Variants in ITGBL1 observed in about 807,000 individuals in gnomAD.
ITGBL1 encodes the protein integrin subunit beta like 1.
In ITGBL1, 51 loss-of-function variants were observed where a neutral mutation model predicts 68.5. The ratio of observed to expected loss-of-function variants is 0.74; its 90% confidence interval spans 0.59 to 0.94. ITGBL1 has a LOEUF of 0.94. ITGBL1 is among the 40% of genes least tolerant of loss of function. The pLI, the probability that ITGBL1 is intolerant of heterozygous loss-of-function variation, is 0.00. For synonymous variants in ITGBL1, 209 were observed against 227.3 expected (o/e 0.92, Z 0.72); for missense variants, 649 against 647.4 (o/e 1.00, Z -0.03).
At chr13:101,620,976 C>T (rs1448446422) in intron 7 of ITGBL1, among the ~76,000 whole-genome samples, 1 of 152,082 alleles carries the variant, frequency 6.6e-6, no homozygotes, top group African/African-American at 2.4e-5. Flanking sequence ...TGACCTTCCA[C>T]CTTTCCTCTC....
intron 2 of ITGBL1, among the ~76,000 whole-genome samples, chr13:101,539,520 A>G (rs1032513426): frequency 1.3e-5 from 2 of 152,070 alleles, no homozygotes; most frequent in South Asian, 2.1e-4. Flanking sequence ...ATAGGTGTGC[A>G]TGTGTCTTTA....
chr13:101,604,548 A>T (rs2030576436), intron 7 of ITGBL1, among the ~76,000 whole-genome samples: 2 of 151,526 alleles, frequency 1.3e-5, no homozygotes, highest in Admixed American at 6.6e-5. Context: ...GAAAACCAAG[A>T]ATTTATGACA....
intron 4 of ITGBL1, among the ~76,000 whole-genome samples, chr13:101,576,992 GCCAGTGT>G (rs1566739368): frequency 1.3e-5 from 2 of 151,622 alleles, no homozygotes; most frequent in East Asian, 3.9e-4. Context: ...ATGCTTTGGG[GCCAGTGT>G]GTGTTGATAA....
At chr13:101,584,667 CT>C (rs1171855794) in intron 6 of ITGBL1, among the ~76,000 whole-genome samples, 1 of 152,162 alleles carries the variant, frequency 6.6e-6, no homozygotes, top group Non-Finnish European at 1.5e-5. Context: ...TTTGTGAACA[CT>C]ATTCTCTTGA....
intron 2 of ITGBL1, among the ~76,000 whole-genome samples, chr13:101,486,452 T>C (rs1466327579): frequency 6.6e-6 from 1 of 152,034 alleles, no homozygotes; most frequent in Non-Finnish European, 1.5e-5. Flanking sequence ...GAACTTCACC[T>C]GTTTCCCAAA....
chr13:101,606,172 T>TATATATATATATATA (rs1566754927), intron 7 of ITGBL1, among the ~76,000 whole-genome samples: 10 of 60,104 alleles, frequency 1.7e-4, no homozygotes, highest in African/African-American at 8.7e-4. Context: ...CTATTAGGAT[T>TATATATATATATATA]TTTATATATA....
chr13:101,475,897 G>C (rs1485059906), intron 2 of ITGBL1, among the ~76,000 whole-genome samples: 29 of 152,046 alleles, frequency 1.9e-4, no homozygotes, highest in Admixed American at 1.9e-3. Context: ...AACTTTCCCA[G>C]ATAAACAAAA....
At chr13:101,545,710 ATCT>A (rs1207497629) in intron 2 of ITGBL1, among the ~76,000 whole-genome samples, 2 of 152,308 alleles carry the variant, frequency 1.3e-5, no homozygotes, top group Admixed American at 1.3e-4. Context: ...AAAAAAAGTC[ATCT>A]TCTTCAGGGA....
At chr13:101,602,297 G>A (rs1388546466) in intron 7 of ITGBL1, among the ~76,000 whole-genome samples, 1 of 152,022 alleles carries the variant, frequency 6.6e-6, no homozygotes. Context: ...AAGGCATGTA[G>A]CCTCAGGTGT....
chr13:101,523,262 C>T (rs1234185254), intron 2 of ITGBL1, among the ~76,000 whole-genome samples: 1 of 152,140 alleles, frequency 6.6e-6, no homozygotes, highest in Non-Finnish European at 1.5e-5. Flanking sequence ...ATTACCTGTT[C>T]ATAAGAGAAG....
At chr13:101,658,784 T>C (rs1199811672) in intron 7 of ITGBL1, among the ~76,000 whole-genome samples, 1 of 152,098 alleles carries the variant, frequency 6.6e-6, no homozygotes, top group Non-Finnish European at 1.5e-5. Context: ...GCTAAATCAT[T>C]CACAGTCAAC....
intron 7 of ITGBL1, among the ~76,000 whole-genome samples, chr13:101,651,055 C>T (rs1566775656): frequency 6.6e-6 from 1 of 152,054 alleles, no homozygotes; most frequent in South Asian, 2.1e-4. Flanking sequence ...CATTGATGGG[C>T]ATTTGGGTTG....
chr13:101,584,477 C>A (rs1345040880), intron 6 of ITGBL1, among the ~76,000 whole-genome samples: 1 of 152,194 alleles, frequency 6.6e-6, no homozygotes, highest in Admixed American at 6.5e-5. Context: ...AGAAACTCCT[C>A]TGGTCTCCTG....
At position 101,596,197 on chromosome 13, in the gene ITGBL1, AC is replaced by A. The variant is rs536765170; in HGVS notation, c.869-1955del. ...AAATAAGCCAGACATAGACAAAAAA[AC>A]ACTGCACGATCTCACTCATATGTGG... is the stretch of plus-strand genomic sequence containing the variant. On this transcript the variant is annotated intron_variant, in intron 6 of 10. Transcript: ENST00000376180. Among the ~76,000 whole-genome samples the A allele has an allele frequency of 5.3e-3, 807 of 152,286 alleles. 5 individuals are homozygous for A. The highest frequency in any genetic ancestry group is 8.5e-3 in the Non-Finnish European group (579 of 68,018).
intron 2 of ITGBL1, among the ~76,000 whole-genome samples, chr13:101,469,137 C>T (rs1230992048): frequency 6.6e-6 from 1 of 152,158 alleles, no homozygotes; most frequent in African/African-American, 2.4e-5. Flanking sequence ...AATTTAAACA[C>T]ATGCAGGTTT....
At chr13:101,470,249 C>A (rs1441326440) in intron 2 of ITGBL1, among the ~76,000 whole-genome samples, 2 of 152,118 alleles carry the variant, frequency 1.3e-5, no homozygotes, top group Non-Finnish European at 2.9e-5. Context: ...ACTTTCATAT[C>A]CATAAATAAT....
chr13:101,535,092 A>G (rs532962919), intron 2 of ITGBL1, among the ~76,000 whole-genome samples: 4 of 152,208 alleles, frequency 2.6e-5, no homozygotes, highest in South Asian at 4.1e-4. Flanking sequence ...TTGGCTTTCC[A>G]TAATTGACCC....
intron 2 of ITGBL1, among the ~76,000 whole-genome samples, chr13:101,524,118 CTT>C (rs35626509): frequency 1.5e-5 from 2 of 137,098 alleles, no homozygotes; most frequent in Admixed American, 7.9e-5. Flanking sequence ...GAAAAACAAA[CTT>C]TTTTTTTAAT....
At chr13:101,496,671 T>C (rs2048861924) in intron 2 of ITGBL1, among the ~76,000 whole-genome samples, 1 of 152,184 alleles carries the variant, frequency 6.6e-6, no homozygotes, top group Non-Finnish European at 1.5e-5. Flanking sequence ...AACTTCCTTC[T>C]TGCCACTGCT....
Sources: allele counts gnomAD v4.1 joint callset (sites outside exome capture counted in the v4.1 genomes callset), GRCh38; gene constraint gnomAD v4.1.1; transcripts MANE v1.5; gene names NCBI Gene and HGNC (gene_info 2026-07-23, HGNC 2026-07-21).